Variants in CACNA1D observed in about 807,000 individuals in gnomAD.
CACNA1D encodes the protein calcium voltage-gated channel subunit alpha1 D.
A neutral mutation model predicts 257.1 loss-of-function variants in CACNA1D; 55 were observed. The ratio of observed to expected loss-of-function variants is 0.21; its 90% CI spans 0.17 to 0.27. The LOEUF is 0.27. Ranked by LOEUF, CACNA1D falls within the 10% of genes least tolerant of loss-of-function variation. CACNA1D has a pLI of 1.00. For synonymous variants in CACNA1D, 980 were observed against 1,014.9 expected, an observed-to-expected ratio of 0.97 and a Z score of 0.65; for missense variants, 1,876 against 2,784.0, an observed-to-expected ratio of 0.67 and a Z score of 7.34.
chr3:53,556,060 A>G (rs2092639944), intron 3 of CACNA1D, among the ~76,000 whole-genome samples: 1 of 152,306 alleles, frequency 6.6e-6, no homozygotes, highest in Non-Finnish European at 1.5e-5. Flanking sequence ...TGTCATGTAA[A>G]TGGAATCACT....
Position 53,542,580 on chromosome 3 carries a change from T to TTAAATAAATAAA in CACNA1D, c.483+40873_483+40884dup, listed in dbSNP as rs3054119. ...GGGCAACAGAGCAAGACCCTGTTGC[T>TTAAATAAATAAA]TAAATAAATAAATAAATAAATAAAC... On this transcript the variant is annotated intron_variant, in intron 3 of 47. Transcript: ENST00000350061. 1.4e-3 allele frequency among the ~76,000 whole-genome samples: 204 copies of TTAAATAAATAAA among 148,962 alleles called. 1 individual carries two copies. The highest frequency in any genetic ancestry group is 4.2e-3 in the African/African-American group (171 of 40,254).
intron 9 of CACNA1D, among the ~76,000 whole-genome samples, chr3:53,707,648 T>G (rs2094704626): frequency 6.6e-6 from 1 of 152,218 alleles, no homozygotes; most frequent in Non-Finnish European, 1.5e-5. Flanking sequence ...GCTTCAAGTT[T>G]CTTAAGAAAC....
In CACNA1D at chr3:53,801,405, G is replaced by C. The variant is rs1348788074; in HGVS notation, c.5388G>C (p.Gln1796His). Residue 1796 changes from glutamine to histidine, a missense_variant, in exon 42 of 48, where the codon CAG becomes CAC. Physicochemically the swap from Gln to His is conservative, Grantham distance 24. Transcript: ENST00000350061. ...HSSHKHDREP[Q>H]RRSSVKRTRY... ...CCCACAAGCATGACCGGGAGCCTCA[G>C]AGAAGGTCCAGTGTGAAAAGGTAAC... The C allele has an allele frequency of 5.0e-6, 8 of 1,613,998 alleles. No individual in the cohort carries two copies. In the African/African-American group the frequency reaches 9.3e-5, roughly 19 times the overall value.
At chr3:53,703,932 G>T (rs1329494437) in intron 9 of CACNA1D, among the ~76,000 whole-genome samples, 1 of 152,186 alleles carries the variant, frequency 6.6e-6, no homozygotes, top group Non-Finnish European at 1.5e-5. Flanking sequence ...AGGGCTGGAG[G>T]GAGCATTTGG....
intron 7 of CACNA1D, among the ~76,000 whole-genome samples, chr3:53,669,645 T>C (rs2094303646): frequency 6.6e-6 from 1 of 152,156 alleles, no homozygotes; most frequent in Non-Finnish European, 1.5e-5. Flanking sequence ...AGAAGGGAAG[T>C]AAAGGTGGGT....
Position 53,776,854 on chromosome 3 carries a change from T to C in CACNA1D, c.4491-6T>C. 6.2e-7 allele frequency: 1 copy of C among 1,613,934 alleles called. No homozygotes were observed. Among genetic ancestry groups the C allele is most frequent in the Non-Finnish European group, 8.5e-7 (1 of 1,179,784 alleles). ...TCCTGGACCTTAGATTGTATTTTAC[T>C]TCCAGGGGAAGGATAAAACACCTTG... On this transcript the variant is annotated splice_polypyrimidine_tract_variant and splice_region_variant and intron_variant, in intron 36 of 47. Transcript: ENST00000350061.
chr3:53,798,319 G>T (rs892202482), intron 40 of CACNA1D, among the ~76,000 whole-genome samples: 1 of 148,534 alleles, frequency 6.7e-6, no homozygotes, highest in Non-Finnish European at 1.5e-5. Context: ...GTGTGTGTGT[G>T]TGTGTGTGCG....
At chr3:53,607,177 A>G (rs1001411080) in intron 3 of CACNA1D, among the ~76,000 whole-genome samples, 3 of 152,202 alleles carry the variant, frequency 2.0e-5, no homozygotes, top group Non-Finnish European at 4.4e-5. Context: ...TACCCTTGGG[A>G]AAAATAGCAA....
At position 53,512,554 on chromosome 3, in the gene CACNA1D, A is replaced by G. The variant is rs576599935; in HGVS notation, c.483+10834A>G. ...GGTCTGTTCCTTTTTCAGACCCGCC[A>G]GCATGACCTGCCCTGGGTTACACAG... On this transcript the variant is annotated intron_variant, in intron 3 of 47. Transcript: ENST00000350061. Among the ~76,000 whole-genome samples the G allele has an allele frequency of 7.9e-5, 12 of 152,322 alleles. No individual in the cohort carries two copies. The South Asian group carries it at 2.5e-3, about 32-fold the overall frequency.
intron 9 of CACNA1D, among the ~76,000 whole-genome samples, chr3:53,705,885 C>G (rs1427859226): frequency 4.6e-5 from 7 of 152,184 alleles, no homozygotes; most frequent in African/African-American, 7.2e-5. Context: ...GAAAACCACA[C>G]AAGGAGAGGG....
intron 5 of CACNA1D, among the ~76,000 whole-genome samples, chr3:53,664,771 G>A (rs777745228): frequency 2.6e-5 from 4 of 152,230 alleles, no homozygotes; most frequent in Non-Finnish European, 4.4e-5. Context: ...ACTGAACAAA[G>A]GATGATGAAC....
intron 3 of CACNA1D, among the ~76,000 whole-genome samples, chr3:53,568,092 T>C (rs1351435320): frequency 6.6e-6 from 1 of 152,156 alleles, no homozygotes; most frequent in Admixed American, 6.5e-5. Flanking sequence ...AATGAGATCA[T>C]GTGACTGTTT....
chr3:53,802,289 C>A, intron 43 of CACNA1D, 116 bp downstream of exon 43: 1 of 905,394 alleles, frequency 1.1e-6, no homozygotes, highest in Non-Finnish European at 1.9e-6. Flanking sequence ...TAAAGGTTAT[C>A]ATAATTCATG....
intron 20 of CACNA1D, among the ~76,000 whole-genome samples, chr3:53,739,466 G>A (rs1010660678): frequency 2.0e-5 from 3 of 152,172 alleles, no homozygotes; most frequent in South Asian, 2.1e-4. Context: ...TTGCCTCCAT[G>A]GCTCCGAGGA....
At chr3:53,701,004 G>A (rs941442053) in intron 8 of CACNA1D, among the ~76,000 whole-genome samples, 3 of 151,554 alleles carry the variant, frequency 2.0e-5, no homozygotes, top group Non-Finnish European at 4.4e-5. Flanking sequence ...TGGGCAGAGG[G>A]TGGCACTTGG....
intron 3 of CACNA1D, among the ~76,000 whole-genome samples, chr3:53,646,740 C>T (rs1401941341): frequency 6.6e-6 from 1 of 152,176 alleles, no homozygotes; most frequent in Non-Finnish European, 1.5e-5. Context: ...CCTCTGTTCA[C>T]CTTTTGACAG....
intron 3 of CACNA1D, among the ~76,000 whole-genome samples, chr3:53,516,113 T>A (rs1042877915): frequency 2.6e-5 from 4 of 152,246 alleles, no homozygotes; most frequent in African/African-American, 9.6e-5. Flanking sequence ...TCATGTGGGA[T>A]CTTTGTGAGG....
At chr3:53,542,558 C>T (rs2107530032) in intron 3 of CACNA1D, among the ~76,000 whole-genome samples, 1 of 150,576 alleles carries the variant, frequency 6.6e-6, no homozygotes, top group Non-Finnish European at 1.5e-5. Context: ...CCAGCCTGGG[C>T]AACAGAGCAA....
chr3:53,756,941 A>G (rs1211901482), intron 29 of CACNA1D, among the ~76,000 whole-genome samples: 1 of 152,158 alleles, frequency 6.6e-6, no homozygotes, highest in African/African-American at 2.4e-5. Flanking sequence ...TTAGTCCTTT[A>G]AAGTGTTTTG....
Sources: allele counts gnomAD v4.1 joint callset (sites outside exome capture counted in the v4.1 genomes callset), GRCh38; gene constraint gnomAD v4.1.1; transcripts MANE v1.5; gene names NCBI Gene and HGNC (gene_info 2026-07-23, HGNC 2026-07-21).